Variants in TTN observed in about 807,000 individuals in gnomAD.
TTN encodes the protein titin, also known as connectin.
TTN carries 1,525 observed loss-of-function variants against 3,223.0 expected under a neutral mutation model. That is an observed-to-expected ratio of 0.47 (90% confidence interval 0.45 to 0.49). The LOEUF is 0.49. Among genes scored for constraint, TTN ranks in the 20% least tolerant of loss-of-function variants. The pLI is 0.00. For synonymous variants in TTN, 14,094 were observed against 15,161.0 expected (o/e 0.93, Z 5.17); for missense variants, 40,786 against 43,424.0 (o/e 0.94, Z 5.40).
In TTN at chr2:178,565,206, G is replaced by A; in HGVS notation, c.80926C>T (p.Pro26976Ser). 1 of 1,613,548 alleles carries A rather than the reference G, an allele frequency of 6.2e-7. No homozygotes were observed. The highest frequency in any genetic ancestry group is 8.5e-7 in the Non-Finnish European group (1 of 1,179,676). Residue 26976 changes from proline (P) to serine (S), a missense_variant, in exon 326 of 363, where the codon CCA becomes TCA. By Grantham distance (74) the Pro-to-Ser change is moderately conservative (BLOSUM62 -1). Coordinates refer to ENST00000589042, the MANE Select transcript of TTN (RefSeq NM_001267550.2). ...TCATCAAACCGAACTGGGCCAACTG[G>A]AGGTCCAGGCTTTTCTAAAACGATA... ...SVIVLEKPGPPVGPVRFDEVS... is the reference protein window; with the variant it reads ...SVIVLEKPGPSVGPVRFDEVS...
At position 178,720,655 on chromosome 2, in the gene TTN, C is replaced by T. The variant is rs1318077959; in HGVS notation, c.23107G>A (p.Val7703Ile). The T allele has an allele frequency of 1.3e-6, 2 of 1,583,134 alleles. No homozygotes were observed. Among genetic ancestry groups the T allele is most frequent in the East Asian group, 4.5e-5 (2 of 44,548 alleles). The stretch of plus-strand genomic sequence containing the variant: ...ACTGGAGAAGGCTTCTGGGTGAAAA[C>T]AGGAGGTGCTACCAGAAAAAAGGAG... ...STALTVKAPP[V>I]FTQKPSPVGA... The change falls in exon 80 of 363, where the codon GTT (valine) becomes ATT (isoleucine). Residue 7703 changes from valine to isoleucine, a missense_variant. Coordinates refer to ENST00000589042, the MANE Select transcript of TTN (RefSeq NM_001267550.2).
chr2:178,729,559 G>GT lies in TTN; in HGVS notation c.18596_18597insA (p.Thr6200HisfsTer15). Reference sequence around the variant, plus strand: ...CAGGCTTCAGCTCTCTGATAAAGGTGGGGGGTTCTAAAGATTCAAAAGGAA... The same window carrying GT: ...CAGGCTTCAGCTCTCTGATAAAGGTGTGGGGGTTCTAAAGATTCAAAAGGAA... On this transcript the variant is annotated frameshift_variant, in exon 64 of 363. Coordinates refer to ENST00000589042, the MANE Select transcript of TTN (RefSeq NM_001267550.2). LOFTEE classifies it high-confidence loss of function. The GT allele has an allele frequency of 6.2e-7, 1 of 1,612,300 alleles. No homozygotes were observed. The highest frequency in any genetic ancestry group is 8.5e-7 in the Non-Finnish European group (1 of 1,178,972).
In TTN at chr2:178,729,844, C is replaced by T; in HGVS notation, c.18409G>A (p.Val6137Met). The stretch of plus-strand genomic sequence containing the variant: ...TCATTCCCGTCTAGATACCAAGACA[C>T]TCGGATTTTAGGAGTGCCTGTTATT... The part of the protein sequence containing the change: ...CQITGTPKIR[V>M]SWYLDGNEIT... The change falls in exon 63 of 363, where the codon GTG (valine) becomes ATG (methionine). Residue 6137 changes from valine (V) to methionine (M), a missense_variant. Transcript: ENST00000589042. 1 of 1,613,666 alleles carries T rather than the reference C, an allele frequency of 6.2e-7. No individual in the cohort carries two copies. The highest frequency in any genetic ancestry group is 8.5e-7 in the Non-Finnish European group (1 of 1,179,744).
intron 71 of TTN, chr2:178,724,867 A>G: frequency 4.6e-6 from 1 of 215,594 alleles, no homozygotes; most frequent in South Asian, 1.7e-4. Context: ...GATAGTATAT[A>G]TTGATTTCCA....
At chr2:178,746,337 C>T (rs570210598) in intron 47 of TTN, 2 of 1,612,382 alleles carry the variant, frequency 1.2e-6, no homozygotes, top group Non-Finnish European at 1.7e-6. Flanking sequence ...TTTGGATCTA[C>T]AAAATTAAAT....
intron 119 of TTN, 99 bp downstream of exon 119, chr2:178,693,510 T>G: frequency 1.1e-6 from 1 of 876,098 alleles, no homozygotes; most frequent in Non-Finnish European, 1.7e-6. Context: ...ATGCACACTG[T>G]GACTAAATCT....
rs1239530994 is a variant in TTN at position 178,599,073 on chromosome 2, GATC to G, written c.56648-14_56648-12del. On this transcript the variant is annotated splice_polypyrimidine_tract_variant and intron_variant, in intron 290 of 362. Coordinates refer to ENST00000589042, the MANE Select transcript of TTN (RefSeq NM_001267550.2). ...GTGCTCCAGGGACAGCTGTGAAAAA[GATC>G]ATATTGATTATAAGAAATTTAAAAA... 2.0e-6 allele frequency: 3 copies of G among 1,524,536 alleles called. No individual in the cohort carries two copies. The highest frequency in any genetic ancestry group is 2.8e-5 in the African/African-American group (2 of 71,332). 94.4% of individuals were successfully genotyped at this position (1,524,536 alleles called of 1,614,324 possible).
chr2:178,700,013 C>A lies in TTN; in HGVS notation c.30683-1099G>T, dbSNP rs982869007. ...TACAAGCGTGAGCCACCGCGCCAGG[C>A]CTCTTTTTTAATTTTTAAAACATTA... On this transcript the variant is annotated intron_variant, in intron 111 of 362. Coordinates refer to ENST00000589042, the MANE Select transcript of TTN (RefSeq NM_001267550.2). Among the ~76,000 whole-genome samples the A allele has an allele frequency of 4.6e-5, 7 of 152,086 alleles. No individual in the cohort carries two copies. The South Asian group carries it at 6.2e-4, about 13-fold the overall frequency.
intron 29 of TTN, 81 bp from the exon 30 acceptor site, chr2:178,774,554 T>C: frequency 1.4e-6 from 2 of 1,395,920 alleles, no homozygotes; most frequent in South Asian, 1.2e-5. Context: ...ATGTCTTGTA[T>C]GTCTTTTATC....
At position 178,674,174 on chromosome 2, in the gene TTN, C is replaced by G. The variant is rs1577243751; in HGVS notation, c.34708+140G>C. The G allele has an allele frequency of 4.1e-5, 25 of 610,374 alleles. No individual in the cohort carries two copies. In the East Asian group the frequency reaches 7.0e-4, roughly 17 times the overall value. 37.8% of individuals were successfully genotyped at this position (610,374 alleles called of 1,614,324 possible). The stretch of plus-strand genomic sequence containing the variant: ...AGGGTAAAAAAAGGACACATAGATT[C>G]AGGTGCCAGGAATAATTAATCTTCA... On this transcript the variant is annotated intron_variant, in intron 151 of 362. Transcript: ENST00000589042.
chr2:178,652,307 C>T lies in TTN; in HGVS notation c.39168G>A (p.Val13056=). The change falls in exon 203 of 363, where the codon GTG becomes GTA. Residue 13056 remains valine (V), a synonymous_variant. Transcript: ENST00000589042. The part of the protein sequence containing the change: ...APKEVVPEKK[V]PVPPPKKPEV... ...CAGGCTTTTTAGGAGGAGGCACTGG[C>T]ACTTTCTTTTCAGGAACAACTTCTT... 1 of 1,613,712 alleles carries T rather than the reference C, an allele frequency of 6.2e-7. No individual in the cohort carries two copies. The highest frequency in any genetic ancestry group is 8.5e-7 in the Non-Finnish European group (1 of 1,179,712).
At chr2:178,691,852 T>C (rs2072532807) in intron 121 of TTN, among the ~76,000 whole-genome samples, 164 bp downstream of exon 121, 1 of 152,052 alleles carries the variant, frequency 6.6e-6, no homozygotes, top group Admixed American at 6.6e-5. Flanking sequence ...GTATAATAAA[T>C]AAAGTATGTC....
rs1233193940 is a variant in TTN at position 178,577,655 on chromosome 2, G to C, written c.68771C>G (p.Ala22924Gly). ...FRIRAKNTAG[A>G]ISAPSESTET... The stretch of plus-strand genomic sequence containing the variant: ...TGTACTTTCTGATGGAGCACTGATA[G>C]CACCTGCTGTATTCTTTGCTCTAAT... Residue 22924 changes from alanine (A) to glycine (G), a missense_variant, in exon 323 of 363, where the codon GCT becomes GGT. Ala to Gly is a moderately conservative substitution (Grantham distance 60, BLOSUM62 0). Transcript: ENST00000589042. 2 of 1,612,856 alleles carry C rather than the reference G, an allele frequency of 1.2e-6. No homozygotes were observed.
Position 178,701,546 on chromosome 2 carries a change from T to C in TTN, c.30580A>G (p.Arg10194Gly). The stretch of plus-strand genomic sequence containing the variant: ...GTCTTACCTTCTGGTGGCACTGCTC[T>C]GATAGGCATGGTTGGGATTGGAACT... ...SRVPIPTMPI[R>G]AVPPEEIPPV... Residue 10194 changes from arginine to glycine, a missense_variant, in exon 110 of 363, where the codon AGA becomes GGA. Transcript: ENST00000589042. The C allele has an allele frequency of 6.2e-7, 1 of 1,613,730 alleles. No individual in the cohort carries two copies. The highest frequency in any genetic ancestry group is 8.5e-7 in the Non-Finnish European group (1 of 1,179,716).
Position 178,604,797 on chromosome 2 carries a change from T to C in TTN, c.54292A>G (p.Thr18098Ala). ...APLDNGGSEI[T>A]HYVIDKRDAS... is the part of the protein sequence containing the mutation. ...TCACGTTTGTCAATAACATAATGGG[T>C]GATTTCACTGCCACCATTATCAAGA... The change falls in exon 281 of 363, where the codon ACC becomes GCC. Residue 18098 changes from threonine to alanine, a missense_variant. Physicochemically the swap from Thr to Ala is moderately conservative, Grantham distance 58 (BLOSUM62 0). Coordinates refer to ENST00000589042, the MANE Select transcript of TTN (RefSeq NM_001267550.2). 1.2e-6 allele frequency: 2 copies of C among 1,612,426 alleles called. No homozygotes were observed. Among genetic ancestry groups the C allele is most frequent in the Non-Finnish European group, 1.7e-6 (2 of 1,179,024 alleles).
intron 43 of TTN, among the ~76,000 whole-genome samples, chr2:178,762,877 T>G (rs1051219118): frequency 1.3e-5 from 2 of 152,174 alleles, no homozygotes; most frequent in African/African-American, 4.8e-5. Context: ...TATAGGTGCT[T>G]TACATACATT....
chr2:178,771,629 G>A (rs1457109052), intron 33 of TTN, among the ~76,000 whole-genome samples, 158 bp from the exon 34 acceptor site: 1 of 152,110 alleles, frequency 6.6e-6, no homozygotes, highest in Admixed American at 6.6e-5. Context: ...AGGTACCAAA[G>A]AAATCCCTTA....
In TTN at chr2:178,607,200, A is replaced by G. The variant is rs370929667; in HGVS notation, c.53402T>C (p.Ile17801Thr). ...DGGSEITGFI[I>T]ERKDAKMHTW... Reference sequence around the variant, plus strand: ...ATGCATCTTGGCATCTTTTCTTTCAATGATAAAGCCTGTTATTTCACTTCC... The same window carrying G: ...ATGCATCTTGGCATCTTTTCTTTCAGTGATAAAGCCTGTTATTTCACTTCC... The change falls in exon 278 of 363, where the codon ATT (isoleucine) becomes ACT (threonine). Residue 17801 changes from isoleucine to threonine, a missense_variant. By Grantham distance (89) the Ile-to-Thr change is moderately conservative. Transcript: ENST00000589042. 24 of 1,612,856 alleles carry G rather than the reference A, an allele frequency of 1.5e-5. No homozygotes were observed. The highest frequency in any genetic ancestry group is 1.9e-5 in the Non-Finnish European group (22 of 1,179,296).
rs267599069 is a variant in TTN at position 178,733,119 on chromosome 2, G to A, written c.16057C>T (p.Arg5353Ter). 1 of 1,586,148 alleles carries A rather than the reference G, an allele frequency of 6.3e-7. No homozygotes were observed. The highest frequency in any genetic ancestry group is 1.2e-5 in the South Asian group (1 of 85,878). ...SCETTFTVLD[R>*]DIAPFFTKPL... is the part of the protein sequence containing the mutation. ...TTGGTAAAAAATGGAGCAATGTCTC[G>A]ATCTGTGTGTTGCACAAGAAGGGAG... Residue 5353 changes from arginine (R) to a stop codon, truncating the protein, a stop_gained and splice_region_variant, in exon 55 of 363, where the codon CGA (arginine) becomes TGA (stop). Transcript: ENST00000589042. LOFTEE classifies it high-confidence loss of function.
Sources: allele counts gnomAD v4.1 joint callset (sites outside exome capture counted in the v4.1 genomes callset), GRCh38; gene constraint gnomAD v4.1.1; transcripts MANE v1.5; gene names NCBI Gene and HGNC (gene_info 2026-07-23, HGNC 2026-07-21).